The following PARP3 variants were observed in gnomAD, a reference collection of about 807,000 sequenced individuals.
The protein encoded by PARP3 is poly(ADP-ribose) polymerase family member 3.
In PARP3, 46 loss-of-function variants were observed where a neutral mutation model predicts 58.2. The observed-to-expected ratio is 0.79, with a 90% CI of 0.62 to 1.01. PARP3 has a LOEUF of 1.01. Ranked by LOEUF, PARP3 falls within the 50% of genes least tolerant of loss-of-function variation. PARP3 has a pLI of 0.00. For synonymous variants in PARP3, 252 were observed against 266.4 expected (o/e 0.95, Z 0.53); for missense variants, 663 against 683.9 (o/e 0.97, Z 0.34).
At position 51,944,420 on chromosome 3, in the gene PARP3, T is replaced by C; in HGVS notation, c.343T>C (p.Phe115Leu). 3 of 1,613,846 alleles carry C rather than the reference T, an allele frequency of 1.9e-6. No individual in the cohort carries two copies. Among genetic ancestry groups the C allele is most frequent in the Non-Finnish European group, 2.5e-6 (3 of 1,180,024 alleles). Residue 115 changes from phenylalanine (F) to leucine (L), a missense_variant, in exon 4 of 11, where the codon TTC becomes CTC. This residue lies in a region of PARP3 where 567 missense variants were observed against 553.6 expected (regional missense o/e 1.02). Coordinates refer to ENST00000398755, the MANE Select transcript of PARP3 (RefSeq NM_001003931.4). The surrounding 1 kb of genome is among the most constrained non-coding windows in gnomAD (Gnocchi z 4.2). ...GEVGQSKINHFTRLEDAKKDF... is the reference protein window; with the variant it reads ...GEVGQSKINHLTRLEDAKKDF... ...GGTCGGCCAGTCAAAGATCAACCAC[T>C]TCACAAGGCTAGAAGATGCAAAGAA...
chr3:51,947,520 TTG>T, intron 9 of PARP3: 1 of 567,838 alleles, frequency 1.8e-6, no homozygotes, highest in Admixed American at 3.1e-5. Context: ...ATTGCTGACC[TTG>T]GTGAGGACAG....
rs760383165 is a variant in PARP3 at position 51,945,094 on chromosome 3, C to G, written c.731C>G (p.Thr244Arg). The change falls in exon 6 of 11, where the codon ACG (threonine) becomes AGG (arginine). Residue 244 changes from threonine (T) to arginine (R), a missense_variant. This residue lies in a region of PARP3 where 567 missense variants were observed against 553.6 expected (regional missense o/e 1.02). Coordinates refer to ENST00000398755, the MANE Select transcript of PARP3 (RefSeq NM_001003931.4). ...CTGGAGGAGGCCCTGAAAGGCCCCA[C>G]GGATGGTGGCCAAAGCCTGGAGGAG... ...EALEEALKGP[T>R]DGGQSLEELS... 6.2e-7 allele frequency: 1 copy of G among 1,614,138 alleles called. No homozygotes were observed. The highest frequency in any genetic ancestry group is 8.5e-7 in the Non-Finnish European group (1 of 1,180,014).
chr3:51,943,621 T>C, intron 2 of PARP3, 83 bp downstream of exon 2: 1 of 1,366,574 alleles, frequency 7.3e-7, no homozygotes, highest in South Asian at 1.3e-5. Context: ...AGGACTCTGT[T>C]CTGGTTTTGG....
Position 51,943,512 on chromosome 3 carries a change from C to T in PARP3, c.157C>T (p.Pro53Ser). 1 of 1,610,862 alleles carries T rather than the reference C, an allele frequency of 6.2e-7. No individual in the cohort carries two copies. Among genetic ancestry groups the T allele is most frequent in the Non-Finnish European group, 8.5e-7 (1 of 1,178,976 alleles). ...KRIIRVDPTC[P>S]LSSNPGTQVY... Reference sequence around the variant, plus strand: ...CATAATCCGCGTGGATCCAACATGTCCACTCAGCAGCAACCCCGGGACCCA... The same window carrying T: ...CATAATCCGCGTGGATCCAACATGTTCACTCAGCAGCAACCCCGGGACCCA... The change falls in exon 2 of 11, where the codon CCA becomes TCA. Residue 53 changes from proline to serine, a missense_variant. Physicochemically the swap from Pro to Ser is moderately conservative, Grantham distance 74. Around this residue, in one of 3 missense-constraint regions of PARP3, gnomAD observed 567 missense variants for 553.6 expected, o/e 1.02. Transcript: ENST00000398755.
At chr3:51,945,780 A>G in intron 7 of PARP3, 73 bp from the exon 8 acceptor site, 1 of 1,532,510 alleles carries the variant, frequency 6.5e-7, no homozygotes, top group Non-Finnish European at 9.0e-7. Flanking sequence ...AGGGCTTGGG[A>G]CTGGGGGAAG....
rs1699629277 is a variant in PARP3 at position 51,944,675 on chromosome 3, A to G, written c.501+97A>G. 33 of 1,573,892 alleles carry G rather than the reference A, an allele frequency of 2.1e-5. No homozygotes were observed. The highest frequency in any genetic ancestry group is 2.9e-5 in the Non-Finnish European group (33 of 1,156,240). On this transcript the variant is annotated intron_variant, in intron 4 of 10. Coordinates refer to ENST00000398755, the MANE Select transcript of PARP3 (RefSeq NM_001003931.4). The surrounding 1 kb of genome is among the most constrained non-coding windows in gnomAD (Gnocchi z 4.2). ...GGGCTCTGCCACTGCCCAGCTGCGC[A>G]GCCTCAGCCACAGAACTCCCCTCTG...
In PARP3 at chr3:51,944,045, A is replaced by G. The variant is rs1699609388; in HGVS notation, c.184-44A>G. 6.3e-7 allele frequency: 1 copy of G among 1,595,806 alleles called. No individual in the cohort carries two copies. The highest frequency in any genetic ancestry group is 8.5e-7 in the Non-Finnish European group (1 of 1,170,266). ...CTCTCGGTGTACGGCCAGGCACCCCATCTGACCCCAGCCAGCCTGCCCCCC... is the reference window on the plus strand; with the variant it reads ...CTCTCGGTGTACGGCCAGGCACCCCGTCTGACCCCAGCCAGCCTGCCCCCC... On this transcript the variant is annotated intron_variant, in intron 2 of 10. Transcript: ENST00000398755. This position sits in a 1 kb window ranked among gnomAD's most constrained non-coding sequence, Gnocchi z 4.2.
Position 51,944,311 on chromosome 3 carries a change from A to G in PARP3, c.313-79A>G, listed in dbSNP as rs323868. 47,638 of 1,603,732 alleles carry G rather than the reference A, an allele frequency of 0.03. 4,447 individuals are homozygous for G. The African/African-American group carries it at 0.32, about 11-fold the overall frequency. The stretch of plus-strand genomic sequence containing the variant: ...GGGCACCTCCCAACTGTCCCAGGGC[A>G]CTCAGCACAGGGCCTGGCCCGACAC... On this transcript the variant is annotated intron_variant, in intron 3 of 10. Coordinates refer to ENST00000398755, the MANE Select transcript of PARP3 (RefSeq NM_001003931.4). The surrounding 1 kb of genome is among the most constrained non-coding windows in gnomAD (Gnocchi z 4.2).
In PARP3 at chr3:51,944,332, G is replaced by T; in HGVS notation, c.313-58G>T. ...GGGCACTCAGCACAGGGCCTGGCCC[G>T]ACACACAGGCCAGCAAATGCTGATG... On this transcript the variant is annotated intron_variant, in intron 3 of 10. Coordinates refer to ENST00000398755, the MANE Select transcript of PARP3 (RefSeq NM_001003931.4). The surrounding 1 kb of genome is among the most constrained non-coding windows in gnomAD (Gnocchi z 4.2). 6.2e-7 allele frequency: 1 copy of T among 1,608,374 alleles called. No homozygotes were observed. Among genetic ancestry groups the T allele is most frequent in the South Asian group, 1.1e-5 (1 of 90,362 alleles).
chr3:51,945,290 G>A (rs1276235576), intron 6 of PARP3, 66 bp downstream of exon 6: 1 of 1,525,690 alleles, frequency 6.6e-7, no homozygotes, highest in Non-Finnish European at 9.0e-7. Flanking sequence ...CGAGCGAGAT[G>A]AAGGGCAGGT....
chr3:51,945,241 G>C lies in PARP3; in HGVS notation c.861+17G>C. The stretch of plus-strand genomic sequence containing the variant: ...ATGCTGCTGGTGAGGGCTGGCAGGG[G>C]TGCGGGCAGGCAGTGGGGCACTGAA... On this transcript the variant is annotated intron_variant, in intron 6 of 10. Transcript: ENST00000398755. 6.2e-7 allele frequency: 1 copy of C among 1,608,870 alleles called. No individual in the cohort carries two copies. The highest frequency in any genetic ancestry group is 8.5e-7 in the Non-Finnish European group (1 of 1,175,832).
intron 1 of PARP3, 140 bp from the exon 2 acceptor site, chr3:51,943,214 G>A: frequency 1.0e-6 from 1 of 973,598 alleles, no homozygotes; most frequent in Non-Finnish European, 1.5e-6. Flanking sequence ...ACAGGATGCA[G>A]TGGGAGGCCA....
Position 51,945,176 on chromosome 3 carries a change from G to C in PARP3, c.813G>C (p.Pro271=), listed in dbSNP as rs562584096. The C allele has an allele frequency of 1.2e-6, 2 of 1,613,982 alleles. No homozygotes were observed. The highest frequency in any genetic ancestry group is 1.7e-6 in the Non-Finnish European group (2 of 1,180,020). ...IPHNFGHSQP[P]PINSPELLQA... ...ACAACTTCGGCCACAGCCAGCCCCC[G>C]CCCATCAATTCCCCTGAGCTTCTGC... Residue 271 remains proline, a synonymous_variant, in exon 6 of 11, where the codon CCG becomes CCC. Transcript: ENST00000398755.
rs745545193 is a variant in PARP3 at position 51,944,585 on chromosome 3, T to A, written c.501+7T>A. 1.5e-5 allele frequency: 24 copies of A among 1,613,622 alleles called. No homozygotes were observed. Among genetic ancestry groups the A allele is most frequent in the Non-Finnish European group, 2.0e-5 (24 of 1,179,606 alleles). On this transcript the variant is annotated splice_region_variant and intron_variant, in intron 4 of 10. Coordinates refer to ENST00000398755, the MANE Select transcript of PARP3 (RefSeq NM_001003931.4). The surrounding 1 kb of genome is among the most constrained non-coding windows in gnomAD (Gnocchi z 4.2). ...CCAGGAAGCTGTGGTGAAGGTGAGA[T>A]GGCCAAGGAAGGTGGGCAGGCCCTG...
chr3:51,942,811 C>G, intron 1 of PARP3, 103 bp downstream of exon 1: 1 of 1,495,626 alleles, frequency 6.7e-7, no homozygotes, highest in South Asian at 1.3e-5. Flanking sequence ...AGTTCTGGCT[C>G]CTCAGAACTC....
Position 51,944,139 on chromosome 3 carries a change from C to A in PARP3, c.234C>A (p.Asn78Lys). 1.2e-6 allele frequency: 2 copies of A among 1,613,892 alleles called. No homozygotes were observed. The highest frequency in any genetic ancestry group is 1.7e-6 in the Non-Finnish European group (2 of 1,179,892). ...CTLNQTNIEN[N>K]NNKFYIIQLL... is the part of the protein sequence containing the mutation. ...TGAACCAGACCAACATCGAGAACAACAACAACAAGTTCTACATCATCCAGC... is the reference window on the plus strand; with the variant it reads ...TGAACCAGACCAACATCGAGAACAAAAACAACAAGTTCTACATCATCCAGC... Residue 78 changes from asparagine (N) to lysine (K), a missense_variant, in exon 3 of 11, where the codon AAC becomes AAA. Transcript: ENST00000398755. This position sits in a 1 kb window ranked among gnomAD's most constrained non-coding sequence, Gnocchi z 4.2.
chr3:51,945,379 G>A, intron 6 of PARP3, 116 bp from the exon 7 acceptor site: 1 of 1,388,036 alleles, frequency 7.2e-7, no homozygotes, highest in Non-Finnish European at 9.9e-7. Flanking sequence ...CAGATAGGGT[G>A]GGGAGGGACA....
chr3:51,942,479 C>T lies in PARP3; in HGVS notation c.-232C>T, dbSNP rs1699567722. The T allele has an allele frequency of 3.1e-6, 2 of 645,580 alleles. No homozygotes were observed. The highest frequency in any genetic ancestry group is 2.7e-5 in the East Asian group (1 of 36,444). The allele number at this position is 645,580 out of a possible 1,614,324, so 40.0% of individuals were successfully genotyped here. Reference sequence around the variant, plus strand: ...GTGTCCACCCGTCCGTGGGACTGGTCGCCTGACTCGGCCTGCCCCAGCCTC... The same window carrying T: ...GTGTCCACCCGTCCGTGGGACTGGTTGCCTGACTCGGCCTGCCCCAGCCTC... On this transcript the variant is annotated 5_prime_UTR_variant, in exon 1 of 11. Transcript: ENST00000398755.
Position 51,946,154 on chromosome 3 carries a change from C to T in PARP3, c.1099-12C>T, listed in dbSNP as rs376801913. On this transcript the variant is annotated splice_polypyrimidine_tract_variant and intron_variant, in intron 8 of 10. Transcript: ENST00000398755. The surrounding 1 kb of genome is among the most constrained non-coding windows in gnomAD (Gnocchi z 4.6). ...TGGCATCACTCCCATTTCTCACTTC[C>T]TCTCCACTCAGGAAGACAGATTCCA... The T allele has an allele frequency of 7.1e-4, 1,121 of 1,579,824 alleles. 1 individual carries two copies. Among genetic ancestry groups the T allele is most frequent in the Non-Finnish European group, 9.0e-4 (1,050 of 1,160,856 alleles).
Sources: allele counts gnomAD v4.1 joint callset, GRCh38; gene constraint gnomAD v4.1.1; regional missense constraint gnomAD v4.1.1; non-coding constraint Gnocchi (gnomAD v3.1); transcripts MANE v1.5; gene names NCBI Gene and HGNC (gene_info 2026-07-23, HGNC 2026-07-21).